Variants in PATZ1 observed in about 807,000 individuals in gnomAD.
PATZ1 encodes the protein POZ-, AT hook-, and zinc finger-containing protein 1.
Under a neutral mutation model 46.2 loss-of-function variants are expected in PATZ1, and 9 were observed. That is an observed-to-expected ratio of 0.19 (90% CI 0.12 to 0.34). PATZ1 has a LOEUF of 0.34. Ranked by LOEUF, PATZ1 falls within the 10% of genes least tolerant of loss-of-function variation. The probability of loss-of-function intolerance (pLI) is 1.00; values close to 1 mark genes in which losing one functional copy is unlikely to be tolerated. For missense variants in PATZ1, 632 were observed against 923.0 expected, an observed-to-expected ratio of 0.68 and a Z score of 4.08; for synonymous variants, 426 against 378.6, an observed-to-expected ratio of 1.13 and a Z score of -1.45.
chr22:31,327,375 G>A lies in PATZ1; in HGVS notation c.1646-66C>T. ...TCTGGAGATGCCCCCTCCTGGAGGG[G>A]TCATGAGGGGCCAGCTCACAGACCT... On this transcript the variant is annotated intron_variant, in intron 4 of 4. Coordinates refer to ENST00000266269, the MANE Select transcript of PATZ1 (RefSeq NM_014323.3). The surrounding 1 kb of genome is among the most constrained non-coding windows in gnomAD (Gnocchi z 4.2). 7.4e-7 allele frequency: 1 copy of A among 1,355,126 alleles called. No homozygotes were observed. Among genetic ancestry groups the A allele is most frequent in the Non-Finnish European group, 1.0e-6 (1 of 980,220 alleles). 83.9% of individuals were successfully genotyped at this position (1,355,126 alleles called of 1,614,324 possible). A position where few individuals can be genotyped will look rare whatever the true frequency, so the allele number is the denominator to read the frequency against.
rs755239284 is a variant in PATZ1, at chr22:31,344,916, T to G, written c.687A>C (p.Leu229Phe). 1.9e-6 allele frequency: 3 copies of G among 1,613,472 alleles called. No individual in the cohort carries two copies. In the African/African-American group the frequency reaches 4.0e-5, roughly 21 times the overall value. Reference protein sequence around the residue: ...AIAGQASLPVLPGVDRLPMVA... With the variant: ...AIAGQASLPVFPGVDRLPMVA... ...CCATGGGCAAGCGGTCCACCCCAGG[T>G]AACACAGGCAAAGAGGCTTGGCCTG... Residue 229 changes from leucine (L) to phenylalanine (F), a missense_variant, in exon 1 of 5, where the codon TTA becomes TTC. Coordinates refer to ENST00000266269, the MANE Select transcript of PATZ1 (RefSeq NM_014323.3).
intron 3 of PATZ1, among the ~76,000 whole-genome samples, chr22:31,333,476 CTTTTT>C (rs71319182): frequency 9.2e-4 from 118 of 128,752 alleles, no homozygotes; most frequent in African/African-American, 3.4e-3. Context: ...TATCCTCTTC[CTTTTT>C]TTTTTTTTTT....
rs747979012 is a variant in PATZ1 at position 31,327,047 on chromosome 22, C to A, written c.1908G>T (p.Leu636=). The A allele has an allele frequency of 6.2e-7, 1 of 1,614,224 alleles. No homozygotes were observed. The highest frequency in any genetic ancestry group is 8.5e-7 in the Non-Finnish European group (1 of 1,180,042). Residue 636 remains leucine (L), a synonymous_variant, in exon 5 of 5, where the codon CTG becomes CTT. Coordinates refer to ENST00000266269, the MANE Select transcript of PATZ1 (RefSeq NM_014323.3). The surrounding 1 kb of genome is among the most constrained non-coding windows in gnomAD (Gnocchi z 4.2). ...AGCCAAGGGCAGGGCCCAGGTCCCCCAGGGGGCCCCCGAGAGCCCGGACAT... is the reference window on the plus strand; with the variant it reads ...AGCCAAGGGCAGGGCCCAGGTCCCCAAGGGGGCCCCCGAGAGCCCGGACAT... ...KVHVRALGGP[L]GDLGPALGSP...
chr22:31,335,603 G>A, intron 3 of PATZ1, 89 bp downstream of exon 3: 2 of 1,275,464 alleles, frequency 1.6e-6, no homozygotes, highest in East Asian at 2.4e-5. Context: ...AAAGAGTGGA[G>A]TCTGAGGCAG....
chr22:31,328,494 C>T lies in PATZ1; in HGVS notation c.1645+293G>A, dbSNP rs755374196. Among the ~76,000 whole-genome samples, 22 of 152,210 alleles carry T rather than the reference C, an allele frequency of 1.4e-4. No individual in the cohort carries two copies. Among genetic ancestry groups the T allele is most frequent in the Non-Finnish European group, 2.5e-4 (17 of 68,034 alleles). On this transcript the variant is annotated intron_variant, in intron 4 of 4. Coordinates refer to ENST00000266269, the MANE Select transcript of PATZ1 (RefSeq NM_014323.3). The surrounding 1 kb of genome is among the most constrained non-coding windows in gnomAD (Gnocchi z 4.8). ...GCAGGGCTCTTCTTCTGCCCAGGGC[C>T]CGGGGCATCCCTGCAGGGCTCCAGA...
In PATZ1 at chr22:31,325,833, GTCTGA is replaced by G. The variant is rs2049366029; in HGVS notation, c.*1053_*1057del. On this transcript the variant is annotated 3_prime_UTR_variant, in exon 5 of 5. Transcript: ENST00000266269. The stretch of plus-strand genomic sequence containing the variant: ...GTAATGTACTAACATTTTTAATACA[GTCTGA>G]TCAGATCAATTCACATCACAAGGTC... The G allele has an allele frequency of 5.2e-6, 1 of 192,794 alleles. No homozygotes were observed. The highest frequency in any genetic ancestry group is 1.1e-5 in the Non-Finnish European group (1 of 92,058). The allele number at this position is 192,794 out of a possible 1,614,324, so 11.9% of individuals were successfully genotyped here. A position where few individuals can be genotyped will look rare whatever the true frequency, so the allele number is the denominator to read the frequency against.
rs2049454386 is a variant in PATZ1, at chr22:31,332,357, A to T, written c.1507+3335T>A. 3.9e-5 allele frequency among the ~76,000 whole-genome samples: 6 copies of T among 152,134 alleles called. No individual in the cohort carries two copies. The South Asian group carries it at 1.2e-3, about 31-fold the overall frequency. ...CCAGACATATTTAGCCGGAATTCTA[A>T]ACTTACCCACCCATTCACCACTGAT... On this transcript the variant is annotated intron_variant, in intron 3 of 4. Transcript: ENST00000266269.
intron 3 of PATZ1, among the ~76,000 whole-genome samples, chr22:31,331,057 T>C (rs1341539095): frequency 6.6e-6 from 1 of 152,202 alleles, no homozygotes; most frequent in Non-Finnish European, 1.5e-5. Context: ...CCCTGCCTGG[T>C]AGAGCAAGTT....
At chr22:31,340,399 C>T (rs1329397100) in intron 2 of PATZ1, among the ~76,000 whole-genome samples, 1 of 152,222 alleles carries the variant, frequency 6.6e-6, no homozygotes, top group Admixed American at 6.5e-5. Flanking sequence ...GTCTCTTCAC[C>T]TCTTATGTTT....
Position 31,328,759 on chromosome 22 carries a change from G to T in PATZ1, c.1645+28C>A. 6.2e-7 allele frequency: 1 copy of T among 1,607,866 alleles called. No homozygotes were observed. Among genetic ancestry groups the T allele is most frequent in the South Asian group, 1.1e-5 (1 of 90,922 alleles). The stretch of plus-strand genomic sequence containing the variant: ...CCCACAACACAGTCTGCGCAGAGAA[G>T]CAAAGTGCAGAGCAAGGGGTCGCTT... On this transcript the variant is annotated intron_variant, in intron 4 of 4. Transcript: ENST00000266269. This position sits in a 1 kb window ranked among gnomAD's most constrained non-coding sequence, Gnocchi z 4.8.
chr22:31,345,203 G>C lies in PATZ1; in HGVS notation c.400C>G (p.Pro134Ala), dbSNP rs1241321405. 1 of 1,614,056 alleles carries C rather than the reference G, an allele frequency of 6.2e-7. No individual in the cohort carries two copies. Among genetic ancestry groups the C allele is most frequent in the Admixed American group, 1.7e-5 (1 of 60,006 alleles). ...SRIVVRLESFPELMTAAKFLL... is the reference protein window; with the variant it reads ...SRIVVRLESFAELMTAAKFLL... ...AACTTGGCGGCCGTCATGAGTTCGG[G>C]AAAGCTCTCCAAGCGCACCACGATG... Residue 134 changes from proline to alanine, a missense_variant, in exon 1 of 5, where the codon CCC becomes GCC. This residue lies in a region of PATZ1 where 11 missense variants were observed against 53.3 expected (regional missense o/e 0.21). Transcript: ENST00000266269. This position sits in a 1 kb window ranked among gnomAD's most constrained non-coding sequence, Gnocchi z 7.4.
Position 31,341,101 on chromosome 22 carries a change from C to T in PATZ1, c.1335+1796G>A, listed in dbSNP as rs1282206527. The T allele has an allele frequency of 4.5e-6, 5 of 1,120,350 alleles. No homozygotes were observed. In the East Asian group the frequency reaches 1.8e-4, roughly 39 times the overall value. The allele number at this position is 1,120,350 out of a possible 1,614,324, so 69.4% of individuals were successfully genotyped here. On this transcript the variant is annotated intron_variant, in intron 2 of 4. Transcript: ENST00000266269. ...AGCAGATAAGCTGGTGGCTAGTTCC[C>T]AGGAAGGCACCAACCTCCAAAATCA... is the stretch of plus-strand genomic sequence containing the variant.
At chr22:31,344,285 G>A (rs1479433942) in intron 1 of PATZ1, 47 bp downstream of exon 1, 3 of 1,512,168 alleles carry the variant, frequency 2.0e-6, no homozygotes, top group African/African-American at 2.8e-5. Flanking sequence ...GCCTTTTCAG[G>A]ACTAAGATAA....
At position 31,327,075 on chromosome 22, in the gene PATZ1, A is replaced by G; in HGVS notation, c.1880T>C (p.Val627Ala). 5 of 1,614,040 alleles carry G rather than the reference A, an allele frequency of 3.1e-6. No individual in the cohort carries two copies. The highest frequency in any genetic ancestry group is 4.2e-6 in the Non-Finnish European group (5 of 1,179,984). ...KSYLNKHIQK[V>A]HVRALGGPLG... ...GGGGCCCCCGAGAGCCCGGACATGC[A>G]CCTTCTGGATGTGTTTGTTCAAGTA... Residue 627 changes from valine (V) to alanine (A), a missense_variant, in exon 5 of 5, where the codon GTG becomes GCG. Transcript: ENST00000266269. The surrounding 1 kb of genome is among the most constrained non-coding windows in gnomAD (Gnocchi z 4.2).
At chr22:31,343,795 A>C (rs1301420352) in intron 1 of PATZ1, among the ~76,000 whole-genome samples, 1 of 152,216 alleles carries the variant, frequency 6.6e-6, no homozygotes, top group Non-Finnish European at 1.5e-5. Context: ...GTTAAGCAGC[A>C]GCTCTGGGTG....
rs1407330285 is a variant in PATZ1 at position 31,340,637 on chromosome 22, TTA to T, written c.1335+2258_1335+2259del. The T allele has an allele frequency of 4.0e-6, 4 of 1,002,508 alleles. No individual in the cohort carries two copies. The East Asian group carries it at 2.7e-4, about 68-fold the overall frequency. The allele number at this position is 1,002,508 out of a possible 1,614,324, so 62.1% of individuals were successfully genotyped here. A position where few individuals can be genotyped will look rare whatever the true frequency, so the allele number is the denominator to read the frequency against. The stretch of plus-strand genomic sequence containing the variant: ...ACACCAAGGGACAGTGATGTCAGTG[TTA>T]TGACACAGACCAAGGACAAAACACA... On this transcript the variant is annotated intron_variant, in intron 2 of 4. Coordinates refer to ENST00000266269, the MANE Select transcript of PATZ1 (RefSeq NM_014323.3).
At chr22:31,338,530 A>C (rs1344840675) in intron 2 of PATZ1, among the ~76,000 whole-genome samples, 2 of 152,330 alleles carry the variant, frequency 1.3e-5, no homozygotes, top group East Asian at 3.9e-4. Context: ...GTGACAGGCC[A>C]CAGTAGGAGA....
Position 31,345,647 on chromosome 22 carries a change from C to T in PATZ1, c.-45G>A. ...TAGCCCGGCCGCTGCACCTGCCCGC[C>T]CCCTCCCTTCCCCTCAGCAGCGAGA... On this transcript the variant is annotated 5_prime_UTR_variant, in exon 1 of 5. Coordinates refer to ENST00000266269, the MANE Select transcript of PATZ1 (RefSeq NM_014323.3). The surrounding 1 kb of genome is among the most constrained non-coding windows in gnomAD (Gnocchi z 7.4). The T allele has an allele frequency of 1.3e-6, 2 of 1,509,500 alleles. No individual in the cohort carries two copies. Among genetic ancestry groups the T allele is most frequent in the Non-Finnish European group, 1.8e-6 (2 of 1,120,486 alleles). The allele number at this position is 1,509,500 out of a possible 1,614,324, so 93.5% of individuals were successfully genotyped here. A position where few individuals can be genotyped will look rare whatever the true frequency, so the allele number is the denominator to read the frequency against.
At position 31,327,268 on chromosome 22, in the gene PATZ1, C is replaced by A; in HGVS notation, c.1687G>T (p.Asp563Tyr). ...CSHQDPIESS[D>Y]SYGDLSDASD... is the part of the protein sequence containing the mutation. The stretch of plus-strand genomic sequence containing the variant: ...GCATCTGAGAGGTCACCATAGGAGT[C>A]AGAGCTCTCAATCGGATCCTGATGT... The change falls in exon 5 of 5, where the codon GAC (aspartate) becomes TAC (tyrosine). Residue 563 changes from aspartate (D) to tyrosine (Y), a missense_variant. Asp to Tyr is a radical substitution (Grantham distance 160, BLOSUM62 -3). Coordinates refer to ENST00000266269, the MANE Select transcript of PATZ1 (RefSeq NM_014323.3). This position sits in a 1 kb window ranked among gnomAD's most constrained non-coding sequence, Gnocchi z 4.2. The A allele has an allele frequency of 6.2e-7, 1 of 1,614,132 alleles. No homozygotes were observed. Among genetic ancestry groups the A allele is most frequent in the Non-Finnish European group, 8.5e-7 (1 of 1,180,018 alleles).
Sources: allele counts gnomAD v4.1 joint callset (sites outside exome capture counted in the v4.1 genomes callset), GRCh38; gene constraint gnomAD v4.1.1; regional missense constraint gnomAD v4.1.1; non-coding constraint Gnocchi (gnomAD v3.1); transcripts MANE v1.5; gene names NCBI Gene and HGNC (gene_info 2026-07-23, HGNC 2026-07-21).